Variants in L3MBTL4 observed in about 807,000 individuals in gnomAD.
L3MBTL4 encodes L3MBTL histone methyl-lysine binding protein 4.
In L3MBTL4, 70 loss-of-function variants were observed where a neutral mutation model predicts 84.5. The ratio of observed to expected loss-of-function variants is 0.83; its 90% CI spans 0.68 to 1.01. The LOEUF is 1.01. Ranked by LOEUF, L3MBTL4 falls within the 50% of genes least tolerant of loss-of-function variation. L3MBTL4 has a pLI of 0.00. For synonymous variants in L3MBTL4, 274 were observed against 259.8 expected (o/e 1.05, Z -0.52); for missense variants, 715 against 754.8 (o/e 0.95, Z 0.62).
At chr18:6,063,340 T>A (rs930579579) in intron 16 of L3MBTL4, among the ~76,000 whole-genome samples, 3 of 151,034 alleles carry the variant, frequency 2.0e-5, no homozygotes, top group African/African-American at 7.3e-5. Context: ...TGTGTGTGTA[T>A]CTTTTTAATA....
intron 4 of L3MBTL4, among the ~76,000 whole-genome samples, chr18:6,268,801 T>C (rs1172493580): frequency 6.6e-6 from 1 of 152,210 alleles, no homozygotes; most frequent in African/African-American, 2.4e-5. Context: ...GTATACCAGG[T>C]ACTGATTGGG....
intron 14 of L3MBTL4, among the ~76,000 whole-genome samples, chr18:6,132,375 A>G (rs1269033997): frequency 6.6e-6 from 1 of 152,004 alleles, no homozygotes; most frequent in African/African-American, 2.4e-5. Context: ...GGAATCATGA[A>G]GCTTTTGGAG....
chr18:6,027,221 T>C (rs1464489094), intron 16 of L3MBTL4, among the ~76,000 whole-genome samples: 2 of 152,172 alleles, frequency 1.3e-5, no homozygotes, highest in Admixed American at 1.3e-4. Flanking sequence ...CTGTATGATG[T>C]TCCCCTCCCT....
intron 1 of L3MBTL4, among the ~76,000 whole-genome samples, chr18:6,323,004 G>C (rs183211525): frequency 5.3e-5 from 8 of 152,032 alleles, no homozygotes; most frequent in South Asian, 2.1e-4. Context: ...CATGAGATAC[G>C]ATTGTTTAAA....
chr18:6,071,975 T>C (rs187704874), intron 16 of L3MBTL4, among the ~76,000 whole-genome samples: 3 of 152,080 alleles, frequency 2.0e-5, no homozygotes, highest in East Asian at 3.9e-4. Context: ...ATGGAGCATA[T>C]AAAAGGACGG....
chr18:6,022,909 A>T (rs1426718680), intron 16 of L3MBTL4, among the ~76,000 whole-genome samples: 1 of 152,206 alleles, frequency 6.6e-6, no homozygotes, highest in Non-Finnish European at 1.5e-5. Flanking sequence ...CCTGCCTTGG[A>T]GTCACACTGC....
At chr18:6,176,131 G>T (rs1281920489) in intron 12 of L3MBTL4, among the ~76,000 whole-genome samples, 1 of 152,036 alleles carries the variant, frequency 6.6e-6, no homozygotes, top group Non-Finnish European at 1.5e-5. Flanking sequence ...TCTCTTCCCA[G>T]ATTGTTCCAT....
At chr18:6,369,369 T>C (rs959007753) in intron 1 of L3MBTL4, among the ~76,000 whole-genome samples, 4 of 152,216 alleles carry the variant, frequency 2.6e-5, no homozygotes, top group African/African-American at 9.7e-5. Context: ...GCTGGGGGCA[T>C]GTGGTGTGCG....
chr18:6,316,568 G>C (rs1238354658), intron 1 of L3MBTL4, among the ~76,000 whole-genome samples: 1 of 152,190 alleles, frequency 6.6e-6, no homozygotes, highest in African/African-American at 2.4e-5. Flanking sequence ...TGTATCTATA[G>C]ACAGCCTTTC....
chr18:6,135,915 T>C (rs745675187), intron 14 of L3MBTL4, among the ~76,000 whole-genome samples: 5 of 152,318 alleles, frequency 3.3e-5, no homozygotes, highest in Non-Finnish European at 5.9e-5. Context: ...TTCACACTGC[T>C]GATAAAGACA....
intron 10 of L3MBTL4, among the ~76,000 whole-genome samples, chr18:6,233,150 G>C (rs1187761313): frequency 1.3e-5 from 2 of 151,868 alleles, no homozygotes; most frequent in African/African-American, 4.9e-5. Context: ...CAATAAATTA[G>C]GTATTGATGG....
chr18:6,344,515 G>A (rs1402095285), intron 1 of L3MBTL4, among the ~76,000 whole-genome samples: 1 of 152,156 alleles, frequency 6.6e-6, no homozygotes, highest in Non-Finnish European at 1.5e-5. Flanking sequence ...GAAGAGTAGA[G>A]ACAACACTTT....
chr18:6,379,856 CTT>C (rs1169524639), intron 1 of L3MBTL4, among the ~76,000 whole-genome samples: 1 of 152,180 alleles, frequency 6.6e-6, no homozygotes, highest in African/African-American at 2.4e-5. Context: ...AGGATTCTCT[CTT>C]TTTCTATTGA....
intron 4 of L3MBTL4, among the ~76,000 whole-genome samples, chr18:6,282,433 C>T (rs2049362071): frequency 6.6e-6 from 1 of 152,040 alleles, no homozygotes; most frequent in Non-Finnish European, 1.5e-5. Flanking sequence ...TATAATTAGG[C>T]AAAGGAAGGA....
At chr18:6,388,512 T>C (rs2144484645) in intron 1 of L3MBTL4, among the ~76,000 whole-genome samples, 1 of 152,214 alleles carries the variant, frequency 6.6e-6, no homozygotes, top group East Asian at 1.9e-4. Context: ...TTCAGAAAAC[T>C]ACCAGGTGAG....
At chr18:6,409,901 TC>T (rs1250801454) in intron 1 of L3MBTL4, among the ~76,000 whole-genome samples, 1 of 152,172 alleles carries the variant, frequency 6.6e-6, no homozygotes, top group African/African-American at 2.4e-5. Flanking sequence ...ATGCTAGAGA[TC>T]AGAGGAGTAA....
chr18:6,163,664 G>T (rs2043479969), intron 13 of L3MBTL4, among the ~76,000 whole-genome samples: 1 of 152,070 alleles, frequency 6.6e-6, no homozygotes, highest in Non-Finnish European at 1.5e-5. Context: ...ACAACACATG[G>T]AACTCAAACT....
intron 5 of L3MBTL4, among the ~76,000 whole-genome samples, chr18:6,250,465 T>A (rs1203783871): frequency 2.0e-5 from 3 of 152,192 alleles, no homozygotes; most frequent in Non-Finnish European, 4.4e-5. Flanking sequence ...ATGGGGAAGG[T>A]CTGTGGCCAT....
intron 11 of L3MBTL4, among the ~76,000 whole-genome samples, chr18:6,214,103 G>A (rs1290460192): frequency 1.3e-5 from 2 of 152,154 alleles, no homozygotes; most frequent in Non-Finnish European, 2.9e-5. Flanking sequence ...TGTTTTAAAA[G>A]CATACTATGA....
Sources: gnomAD v4.1 joint callset for allele counts (sites outside exome capture counted in the v4.1 genomes callset) on GRCh38, gnomAD v4.1.1 for gene constraint, MANE v1.5 for transcripts, NCBI Gene and HGNC (gene_info 2026-07-23, HGNC 2026-07-21) for gene names.